Variants in CHSY3 observed in about 807,000 individuals in gnomAD.
CHSY3 encodes the protein N-acetylgalactosaminyl-proteoglycan 3-beta-glucuronosyltransferase 3.
A neutral mutation model predicts 67.2 loss-of-function variants in CHSY3; 35 were observed. The observed-to-expected ratio is 0.52, with a 90% CI of 0.40 to 0.69. The LOEUF is 0.69. Ranked by LOEUF, CHSY3 falls within the 30% of genes least tolerant of loss-of-function variation. The pLI is 0.00. For synonymous variants in CHSY3, 474 were observed against 434.7 expected, an observed-to-expected ratio of 1.09 and a Z score of -1.12; for missense variants, 1,069 against 1,138.5, an observed-to-expected ratio of 0.94 and a Z score of 0.88.
At chr5:130,160,967 C>T (rs578091737) in intron 2 of CHSY3, among the ~76,000 whole-genome samples, 105 of 149,946 alleles carry the variant, frequency 7.0e-4, no homozygotes, top group African/African-American at 2.3e-3. Flanking sequence ...TGCAGTGGCG[C>T]GATCTCGGCT....
At chr5:130,079,950 GT>G (rs1356819169) in intron 2 of CHSY3, among the ~76,000 whole-genome samples, 1 of 150,792 alleles carries the variant, frequency 6.6e-6, no homozygotes, top group Admixed American at 6.6e-5. Context: ...TCATTACATT[GT>G]TTTTTTGTTT....
intron 2 of CHSY3, among the ~76,000 whole-genome samples, chr5:129,987,346 A>G (rs1763235075): frequency 6.6e-6 from 1 of 152,188 alleles, no homozygotes; most frequent in Non-Finnish European, 1.5e-5. Context: ...TTTAATTTAC[A>G]GTACTAGAGA....
In CHSY3 at chr5:129,904,774, A is replaced by C. The variant is rs890720490; in HGVS notation, c.-56A>C. The C allele has an allele frequency of 7.7e-7, 1 of 1,306,808 alleles. No homozygotes were observed. Among genetic ancestry groups the C allele is most frequent in the Non-Finnish European group, 9.7e-7 (1 of 1,028,790 alleles). The allele number at this position is 1,306,808 out of a possible 1,614,324, so 81.0% of individuals were successfully genotyped here. ...GAGGAGGGGCGGGTGTGAGCCGGGG[A>C]AACCGCGTGCCGCGCCGCGACAGCC... is the stretch of plus-strand genomic sequence containing the variant. On this transcript the variant is annotated 5_prime_UTR_variant, in exon 1 of 3. Transcript: ENST00000305031.
intron 2 of CHSY3, among the ~76,000 whole-genome samples, chr5:129,990,192 T>C (rs1215183021): frequency 6.6e-6 from 1 of 152,142 alleles, no homozygotes; most frequent in Non-Finnish European, 1.5e-5. Context: ...TTTATTATAA[T>C]GTAAAAGAAT....
chr5:130,068,443 C>G (rs544799793), intron 2 of CHSY3, among the ~76,000 whole-genome samples: 1 of 152,124 alleles, frequency 6.6e-6, no homozygotes, highest in East Asian at 1.9e-4. Context: ...CAAGAAAACA[C>G]TGTAAGAAAA....
intron 2 of CHSY3, among the ~76,000 whole-genome samples, chr5:130,064,027 G>C (rs1443357078): frequency 6.6e-6 from 1 of 151,984 alleles, no homozygotes; most frequent in Non-Finnish European, 1.5e-5. Context: ...GATGATTTAG[G>C]AGGAATTACT....
chr5:129,915,701 T>C (rs904143909), intron 2 of CHSY3, among the ~76,000 whole-genome samples: 2 of 152,158 alleles, frequency 1.3e-5, no homozygotes, highest in Non-Finnish European at 2.9e-5. Flanking sequence ...CAAAAAGTGG[T>C]GGTTTAAAGA....
intron 2 of CHSY3, among the ~76,000 whole-genome samples, chr5:130,109,789 G>T (rs543958110): frequency 3.8e-4 from 57 of 151,778 alleles, no homozygotes; most frequent in Admixed American, 9.9e-4. Context: ...AATTATCAAG[G>T]ACTTGCCCAG....
chr5:129,958,834 T>C (rs1252100473), intron 2 of CHSY3, among the ~76,000 whole-genome samples: 14 of 152,130 alleles, frequency 9.2e-5, no homozygotes, highest in Admixed American at 9.2e-4. Flanking sequence ...GCCTGGCAGA[T>C]GCAGATGTCT....
intron 2 of CHSY3, among the ~76,000 whole-genome samples, chr5:130,002,971 C>T (rs1307923600): frequency 1.3e-5 from 2 of 152,224 alleles, no homozygotes; most frequent in East Asian, 3.9e-4. Context: ...GTTTTAAAAA[C>T]ATTTCCTGTG....
chr5:129,908,510 T>A, intron 2 of CHSY3, 150 bp downstream of exon 2: 1 of 1,274,704 alleles, frequency 7.8e-7, no homozygotes, highest in Non-Finnish European at 1.1e-6. Flanking sequence ...GAGTGGGAGA[T>A]AACTTTCTCA....
chr5:130,015,880 C>G (rs761789346), intron 2 of CHSY3, among the ~76,000 whole-genome samples: 1 of 152,166 alleles, frequency 6.6e-6, no homozygotes, highest in Non-Finnish European at 1.5e-5. Context: ...GGTATATATA[C>G]TCCACGGAAT....
intron 2 of CHSY3, among the ~76,000 whole-genome samples, chr5:130,133,535 G>A (rs957342745): frequency 4.6e-5 from 7 of 151,952 alleles, no homozygotes; most frequent in African/African-American, 1.7e-4. Flanking sequence ...ACTTTGGGAG[G>A]CTAAGGCAGG....
intron 2 of CHSY3, among the ~76,000 whole-genome samples, chr5:130,085,578 T>A (rs1371877388): frequency 5.3e-5 from 8 of 152,140 alleles, no homozygotes; most frequent in African/African-American, 1.9e-4. Flanking sequence ...ATTCATTAAT[T>A]TTTTGAAGGG....
chr5:130,024,837 AATTCTAAAGGTATTTTATATTATTGAGTT>A (rs1391437729), intron 2 of CHSY3, among the ~76,000 whole-genome samples: 3 of 152,186 alleles, frequency 2.0e-5, no homozygotes, highest in African/African-American at 4.8e-5. Flanking sequence ...GTAATAGGAC[AATTCTAAAGGTATTTTATATTATTGAGTT>A]ATTCTAAAGG....
chr5:129,968,937 A>G (rs995203876), intron 2 of CHSY3, among the ~76,000 whole-genome samples: 1 of 151,824 alleles, frequency 6.6e-6, no homozygotes, highest in African/African-American at 2.4e-5. Flanking sequence ...GGGAATCTGT[A>G]TGTAACACAT....
At chr5:130,156,558 C>T (rs944929206) in intron 2 of CHSY3, among the ~76,000 whole-genome samples, 1 of 152,212 alleles carries the variant, frequency 6.6e-6, no homozygotes, top group African/African-American at 2.4e-5. Flanking sequence ...AAGTCAAAGG[C>T]AGCCAAGGAT....
At position 130,089,651 on chromosome 5, in the gene CHSY3, C is replaced by T. The variant is rs150484244; in HGVS notation, c.1087-94578C>T. Reference sequence around the variant, plus strand: ...AGAGGACTAGGCATTGCCTGAGAAACATGATACATGAAACATGATCACTGC... The same window carrying T: ...AGAGGACTAGGCATTGCCTGAGAAATATGATACATGAAACATGATCACTGC... On this transcript the variant is annotated intron_variant, in intron 2 of 2. Coordinates refer to ENST00000305031, the MANE Select transcript of CHSY3 (RefSeq NM_175856.5). 1.4e-3 allele frequency among the ~76,000 whole-genome samples: 219 copies of T among 152,204 alleles called. 1 individual carries two copies. Among genetic ancestry groups the T allele is most frequent in the African/African-American group, 5.1e-3 (210 of 41,544 alleles).
At chr5:130,176,358 G>T (rs1378941347) in intron 2 of CHSY3, among the ~76,000 whole-genome samples, 1 of 152,180 alleles carries the variant, frequency 6.6e-6, no homozygotes, top group Non-Finnish European at 1.5e-5. Context: ...AACAACAGAG[G>T]CTGGAGAGGA....
Sources: gnomAD v4.1 joint callset for allele counts (sites outside exome capture counted in the v4.1 genomes callset) on GRCh38, gnomAD v4.1.1 for gene constraint, MANE v1.5 for transcripts, NCBI Gene and HGNC (gene_info 2026-07-23, HGNC 2026-07-21) for gene names.